The following MALRD1 variants were observed in gnomAD, a reference collection of about 807,000 sequenced individuals.
MALRD1 encodes the protein MAM and LDL receptor class A domain containing 1.
MALRD1 carries 247 observed loss-of-function variants against 242.1 expected under a neutral mutation model. The observed-to-expected ratio is 1.02, with a 90% CI of 0.92 to 1.13. The LOEUF is 1.13. Among genes scored for constraint, MALRD1 ranks in the 50% most tolerant of loss-of-function variants. MALRD1 has a pLI of 0.00. For synonymous variants in MALRD1, 995 were observed against 866.6 expected, an observed-to-expected ratio of 1.15 and a Z score of -2.60; for missense variants, 2,989 against 2,533.1, an observed-to-expected ratio of 1.18 and a Z score of -3.86.
intron 36 of MALRD1, among the ~76,000 whole-genome samples, chr10:19,655,098 G>A (rs746416404): frequency 4.6e-5 from 7 of 152,152 alleles, no homozygotes; most frequent in Non-Finnish European, 1.0e-4. Context: ...ATAGGAATCT[G>A]TAGACAGAAT....
At position 19,283,128 on chromosome 10, in the gene MALRD1, G is replaced by C. The variant is rs1317320400; in HGVS notation, c.3366G>C (p.Gly1122=). ...SNTFRWGLGN[G]ISIHHGEENH... is the part of the protein sequence containing the mutation. Reference sequence around the variant, plus strand: ...CATTCAGGTGGGGGCTTGGGAACGGGATCAGCATTCATCATGGGGAAGAAA... The same window carrying C: ...CATTCAGGTGGGGGCTTGGGAACGGCATCAGCATTCATCATGGGGAAGAAA... Residue 1122 remains glycine (G), a synonymous_variant, in exon 21 of 40, where the codon GGG becomes GGC. Coordinates refer to ENST00000454679, the MANE Select transcript of MALRD1 (RefSeq NM_001142308.3). 3 of 1,549,518 alleles carry C rather than the reference G, an allele frequency of 1.9e-6. No homozygotes were observed. Among genetic ancestry groups the C allele is most frequent in the African/African-American group, 1.4e-5 (1 of 72,992 alleles).
At chr10:19,408,489 C>T (rs1304180279) in intron 28 of MALRD1, among the ~76,000 whole-genome samples, 2 of 152,082 alleles carry the variant, frequency 1.3e-5, no homozygotes, top group African/African-American at 4.8e-5. Context: ...TATATTCTAT[C>T]CTTGCAATGA....
At chr10:19,266,467 AATTTT>A (rs1469967684) in intron 19 of MALRD1, among the ~76,000 whole-genome samples, 4 of 151,908 alleles carry the variant, frequency 2.6e-5, no homozygotes, top group Non-Finnish European at 5.9e-5. Context: ...ATAAAAACTT[AATTTT>A]AATTCCATAC....
At chr10:19,408,813 A>C (rs1251227876) in intron 28 of MALRD1, among the ~76,000 whole-genome samples, 1 of 152,206 alleles carries the variant, frequency 6.6e-6, no homozygotes, top group Non-Finnish European at 1.5e-5. Context: ...ATACTGAATC[A>C]TTATACATTG....
In MALRD1 at chr10:19,331,466, G is replaced by A; in HGVS notation, c.3785G>A (p.Arg1262Lys). 6.4e-7 allele frequency: 1 copy of A among 1,550,516 alleles called. No individual in the cohort carries two copies. The highest frequency in any genetic ancestry group is 8.7e-7 in the Non-Finnish European group (1 of 1,146,856). ...QDCSPLLSPE[R>K]KCTDHEFMCA... is the part of the protein sequence containing the mutation. ...TGCTCCCCTTTGCTTAGCCCAGAGA[G>A]AAAGTGTACTGATCATGAATTCATG... The change falls in exon 24 of 40, where the codon AGA (arginine) becomes AAA (lysine). Residue 1262 changes from arginine to lysine, a missense_variant. Physicochemically the swap from Arg to Lys is conservative, Grantham distance 26. Coordinates refer to ENST00000454679, the MANE Select transcript of MALRD1 (RefSeq NM_001142308.3).
At chr10:19,144,000 C>T (rs1365899726) in intron 10 of MALRD1, among the ~76,000 whole-genome samples, 1 of 152,118 alleles carries the variant, frequency 6.6e-6, no homozygotes, top group Non-Finnish European at 1.5e-5. Context: ...TGTAGACACA[C>T]CTAAGAAAAG....
At chr10:19,431,895 C>A (rs1316099100) in intron 28 of MALRD1, among the ~76,000 whole-genome samples, 28 of 152,138 alleles carry the variant, frequency 1.8e-4, no homozygotes, top group Non-Finnish European at 2.2e-4. Flanking sequence ...TTGCTTTTGA[C>A]CTTGCTGCCT....
At chr10:19,592,590 C>A (rs966341121) in intron 33 of MALRD1, among the ~76,000 whole-genome samples, 1 of 152,078 alleles carries the variant, frequency 6.6e-6, no homozygotes, top group African/African-American at 2.4e-5. Flanking sequence ...AGCCCAATGG[C>A]GACCTTGAAA....
intron 14 of MALRD1, among the ~76,000 whole-genome samples, chr10:19,183,083 G>A (rs1255880016): frequency 6.8e-6 from 1 of 148,022 alleles, no homozygotes; most frequent in Non-Finnish European, 1.5e-5. Context: ...ATTAGCAAAC[G>A]ACCTCCAGTT....
chr10:19,670,697 A>T (rs1841876018), intron 36 of MALRD1, among the ~76,000 whole-genome samples: 1 of 152,174 alleles, frequency 6.6e-6, no homozygotes, highest in African/African-American at 2.4e-5. Context: ...CAACCTAGTT[A>T]CTTATATCTT....
At chr10:19,329,932 A>G (rs1337533329) in intron 23 of MALRD1, among the ~76,000 whole-genome samples, 1 of 152,204 alleles carries the variant, frequency 6.6e-6, no homozygotes, top group Non-Finnish European at 1.5e-5. Flanking sequence ...AAGATAAGCC[A>G]GTTAACAGTG....
At chr10:19,443,856 G>A (rs1834808175) in intron 28 of MALRD1, among the ~76,000 whole-genome samples, 1 of 152,182 alleles carries the variant, frequency 6.6e-6, no homozygotes, top group South Asian at 2.1e-4. Context: ...GCACAGCTGA[G>A]TTCAAGTCCT....
At chr10:19,138,726 A>G (rs1833442300) in intron 10 of MALRD1, among the ~76,000 whole-genome samples, 1 of 152,074 alleles carries the variant, frequency 6.6e-6, no homozygotes, top group Admixed American at 6.6e-5. Context: ...GGGCACTTGT[A>G]TATTTGGAAG....
At chr10:19,275,498 C>G (rs528093237) in intron 19 of MALRD1, among the ~76,000 whole-genome samples, 1 of 152,230 alleles carries the variant, frequency 6.6e-6, no homozygotes, top group South Asian at 2.1e-4. Context: ...GAAACCCCGT[C>G]TCTACTAAAA....
chr10:19,437,207 G>T (rs1379782462), intron 28 of MALRD1, among the ~76,000 whole-genome samples: 2 of 151,940 alleles, frequency 1.3e-5, no homozygotes, highest in Non-Finnish European at 2.9e-5. Context: ...TGATGGCTTG[G>T]GTATTGGTCC....
At chr10:19,207,254 C>A (rs1304986286) in intron 17 of MALRD1, among the ~76,000 whole-genome samples, 3 of 152,120 alleles carry the variant, frequency 2.0e-5, no homozygotes, top group Non-Finnish European at 4.4e-5. Flanking sequence ...TGTCCCCTTC[C>A]TCCAAAGACT....
chr10:19,397,870 A>G (rs1313389835), intron 28 of MALRD1, among the ~76,000 whole-genome samples: 1 of 151,856 alleles, frequency 6.6e-6, no homozygotes, highest in Non-Finnish European at 1.5e-5. Context: ...GGTGATATCC[A>G]TCATGGTTTT....
chr10:19,629,890 C>T (rs1839830494), intron 36 of MALRD1, among the ~76,000 whole-genome samples: 1 of 152,156 alleles, frequency 6.6e-6, no homozygotes, highest in Non-Finnish European at 1.5e-5. Flanking sequence ...AGAGTAGAAG[C>T]TTTTGTGCTG....
chr10:19,049,262 G>T, intron 1 of MALRD1, 125 bp downstream of exon 1: 1 of 617,406 alleles, frequency 1.6e-6, no homozygotes, highest in Non-Finnish European at 2.3e-6. Context: ...TATACCTTTA[G>T]TGTAGATCAG....
Sources: allele counts gnomAD v4.1 joint callset (sites outside exome capture counted in the v4.1 genomes callset), GRCh38; gene constraint gnomAD v4.1.1; transcripts MANE v1.5; gene names NCBI Gene and HGNC (gene_info 2026-07-23, HGNC 2026-07-21).